SLC30A8: variants seen among roughly 807,000 people sequenced by gnomAD.
SLC30A8 encodes the protein proton-coupled zinc antiporter SLC30A8.
Under a neutral mutation model 36.9 loss-of-function variants are expected in SLC30A8, and 27 were observed. The observed-to-expected ratio is 0.73, with a 90% CI of 0.54 to 1.01. The LOEUF (loss-of-function observed/expected upper bound fraction) is 1.01. SLC30A8 is among the 50% of genes least tolerant of loss of function. The pLI is 0.00. For synonymous variants in SLC30A8, 164 were observed against 172.4 expected, an observed-to-expected ratio of 0.95 and a Z score of 0.38; for missense variants, 439 against 452.0, an observed-to-expected ratio of 0.97 and a Z score of 0.26.
intron 1 of SLC30A8, among the ~76,000 whole-genome samples, chr8:116,992,147 T>C (rs1216349389): frequency 6.6e-6 from 1 of 152,144 alleles, no homozygotes; most frequent in Non-Finnish European, 1.5e-5. Flanking sequence ...GTATAAATTA[T>C]GTAGGAGGGG....
intron 7 of SLC30A8, among the ~76,000 whole-genome samples, chr8:117,171,866 AG>A (rs1233507738): frequency 6.6e-6 from 1 of 152,124 alleles, no homozygotes; most frequent in Non-Finnish European, 1.5e-5. Flanking sequence ...ACTTAGGGGC[AG>A]GGGACAGGAA....
chr8:117,097,915 T>A (rs1356724417), intron 2 of SLC30A8, among the ~76,000 whole-genome samples: 3 of 104,280 alleles, frequency 2.9e-5, no homozygotes, highest in African/African-American at 8.1e-5. Context: ...TATATAATTT[T>A]AAATAAATAT....
intron 1 of SLC30A8, among the ~76,000 whole-genome samples, chr8:116,988,368 G>T (rs762097062): frequency 6.6e-6 from 1 of 152,100 alleles, no homozygotes; most frequent in African/African-American, 2.4e-5. Context: ...TCTTCTTTCC[G>T]TCTGCTGGCT....
At chr8:117,100,638 C>A (rs1819671729) in intron 2 of SLC30A8, among the ~76,000 whole-genome samples, 1 of 152,168 alleles carries the variant, frequency 6.6e-6, no homozygotes, top group Non-Finnish European at 1.5e-5. Flanking sequence ...CCTGGAATAG[C>A]ATTTCTTCTG....
intron 2 of SLC30A8, among the ~76,000 whole-genome samples, chr8:117,040,879 T>G (rs887046930): frequency 1.4e-4 from 21 of 152,132 alleles, no homozygotes; most frequent in African/African-American, 4.8e-4. Flanking sequence ...TGAATTCGAA[T>G]CTACATTTAG....
chr8:116,997,359 A>G (rs1310335741), intron 1 of SLC30A8, among the ~76,000 whole-genome samples: 4 of 152,206 alleles, frequency 2.6e-5, no homozygotes, highest in East Asian at 3.8e-4. Flanking sequence ...AATTTTTACA[A>G]TGTCTCATTA....
At chr8:116,977,561 G>T (rs1466384630) in intron 1 of SLC30A8, among the ~76,000 whole-genome samples, 2 of 147,388 alleles carry the variant, frequency 1.4e-5, no homozygotes, top group African/African-American at 5.1e-5. Context: ...GCCCAGGCTG[G>T]AGTGCAGTGG....
intron 1 of SLC30A8, among the ~76,000 whole-genome samples, chr8:116,973,079 C>T (rs1042274151): frequency 3.3e-5 from 5 of 152,148 alleles, no homozygotes; most frequent in Non-Finnish European, 7.3e-5. Context: ...CAGAGAGCTG[C>T]CTTGTCTCTT....
chr8:117,168,441 GTTAT>G (rs998287541), intron 6 of SLC30A8, among the ~76,000 whole-genome samples: 2 of 152,096 alleles, frequency 1.3e-5, no homozygotes, highest in African/African-American at 2.4e-5. Flanking sequence ...AGTCTGGGAA[GTTAT>G]TTATTAAACA....
chr8:117,169,326 C>T (rs532876700), intron 6 of SLC30A8, among the ~76,000 whole-genome samples: 1 of 152,258 alleles, frequency 6.6e-6, no homozygotes, highest in African/African-American at 2.4e-5. Flanking sequence ...TATTGGAATG[C>T]TAAGCATGTG....
At chr8:117,169,406 C>G (rs1823247338) in intron 6 of SLC30A8, among the ~76,000 whole-genome samples, 1 of 152,092 alleles carries the variant, frequency 6.6e-6, no homozygotes, top group Admixed American at 6.6e-5. Flanking sequence ...ATTGCAACCC[C>G]AGGCATAAAT....
At chr8:116,952,292 T>C (rs1372964227) in intron 1 of SLC30A8, among the ~76,000 whole-genome samples, 1 of 152,238 alleles carries the variant, frequency 6.6e-6, no homozygotes, top group East Asian at 1.9e-4. Flanking sequence ...CCTAAGAGCC[T>C]GGGTAAACCA....
At chr8:117,007,165 T>C (rs1273819286) in intron 1 of SLC30A8, 1 of 151,784 alleles carries the variant, frequency 6.6e-6, no homozygotes, top group East Asian at 1.9e-4. Context: ...AGAGGTGATG[T>C]GTCTATTTGA....
Position 117,172,692 on chromosome 8 carries a change from C to T in SLC30A8, c.*11C>T, listed in dbSNP as rs751683325. On this transcript the variant is annotated 3_prime_UTR_variant, in exon 8 of 8. Transcript: ENST00000456015. Reference sequence around the variant, plus strand: ...GACCCCTGTGACTAGCTCAGTCACACCGTCAGTTTCCCAAATTTGACAGGC... The same window carrying T: ...GACCCCTGTGACTAGCTCAGTCACATCGTCAGTTTCCCAAATTTGACAGGC... 3 of 1,612,764 alleles carry T rather than the reference C, an allele frequency of 1.9e-6. No individual in the cohort carries two copies. The highest frequency in any genetic ancestry group is 2.5e-6 in the Non-Finnish European group (3 of 1,178,998).
chr8:117,051,515 T>TGTTTAAAAGAGCCTGGGGCTGGGC (rs1246423495), intron 2 of SLC30A8, among the ~76,000 whole-genome samples: 1 of 152,120 alleles, frequency 6.6e-6, no homozygotes, highest in African/African-American at 2.4e-5. Context: ...GAGAGCTGGT[T>TGTTTAAAAGAGCCTGGGGCTGGGC]GTTTAAAAGA....
chr8:117,106,604 A>G (rs1157935643), intron 2 of SLC30A8, among the ~76,000 whole-genome samples: 2 of 152,186 alleles, frequency 1.3e-5, no homozygotes, highest in African/African-American at 4.8e-5. Flanking sequence ...TGTTAGCAGT[A>G]GTGCAGGACC....
At chr8:116,980,284 TAC>T (rs1268130601) in intron 1 of SLC30A8, among the ~76,000 whole-genome samples, 1 of 152,204 alleles carries the variant, frequency 6.6e-6, no homozygotes, top group African/African-American at 2.4e-5. Context: ...GAATGGATTC[TAC>T]AGAGGCTGGG....
At chr8:116,980,838 A>AT (rs1229490491) in intron 1 of SLC30A8, among the ~76,000 whole-genome samples, 1 of 152,242 alleles carries the variant, frequency 6.6e-6, no homozygotes, top group Admixed American at 6.5e-5. Flanking sequence ...TGCTAATGTG[A>AT]TTTTCACATA....
chr8:117,057,963 C>G (rs955835025), intron 2 of SLC30A8, among the ~76,000 whole-genome samples: 1 of 152,074 alleles, frequency 6.6e-6, no homozygotes, highest in African/African-American at 2.4e-5. Context: ...GAGGAAATTC[C>G]ATACTGTTTT....
Sources: gnomAD v4.1 joint callset for allele counts (sites outside exome capture counted in the v4.1 genomes callset) on GRCh38, gnomAD v4.1.1 for gene constraint, MANE v1.5 for transcripts, NCBI Gene and HGNC (gene_info 2026-07-23, HGNC 2026-07-21) for gene names.